Variants in ECHDC1 observed in about 807,000 individuals in gnomAD.
ECHDC1 encodes ethylmalonyl-CoA decarboxylase.
Under a neutral mutation model 29.7 loss-of-function variants are expected in ECHDC1, and 29 were observed. That is an observed-to-expected ratio of 0.98 (90% CI 0.73 to 1.33). The LOEUF (loss-of-function observed/expected upper bound fraction) is 1.33, where lower values mean the gene tolerates loss of function less well. ECHDC1 is among the 40% of genes most tolerant of loss of function. The pLI is 0.00. For missense variants in ECHDC1, 328 were observed against 350.0 expected, an observed-to-expected ratio of 0.94 and a Z score of 0.50; for synonymous variants, 126 against 123.1, an observed-to-expected ratio of 1.02 and a Z score of -0.15.
chr6:127,326,466 C>T lies in ECHDC1; in HGVS notation c.363+536G>A, dbSNP rs182215891. ...GCAGTGTGAGAACAGACTATCACAT[C>T]GGTTCATTAGTAGCAATAAATCTAT... On this transcript the variant is annotated intron_variant, in intron 3 of 5. Coordinates refer to ENST00000454859, the MANE Select transcript of ECHDC1 (RefSeq NM_001002030.2). 73 of 429,340 alleles carry T rather than the reference C, an allele frequency of 1.7e-4. No homozygotes were observed. In the Admixed American group the frequency reaches 1.7e-3, roughly 10 times the overall value. The allele number at this position is 429,340 out of a possible 1,614,324, so 26.6% of individuals were successfully genotyped here.
At chr6:127,319,285 T>C (rs1782646384) in intron 3 of ECHDC1, among the ~76,000 whole-genome samples, 1 of 152,220 alleles carries the variant, frequency 6.6e-6, no homozygotes, top group South Asian at 2.1e-4. Context: ...CTCTCTGTCC[T>C]ACAGTCTCTT....
At chr6:127,342,385 C>T in intron 1 of ECHDC1, 1 of 1,547,644 alleles carries the variant, frequency 6.5e-7, no homozygotes, top group South Asian at 1.2e-5. Flanking sequence ...TCTTCACAGG[C>T]TGGCTTCCCT....
chr6:127,316,569 T>G, intron 3 of ECHDC1, 67 bp from the exon 4 acceptor site: 1 of 1,407,850 alleles, frequency 7.1e-7, no homozygotes, highest in Non-Finnish European at 9.7e-7. Context: ...TTTTTTAAAT[T>G]AAGGTTTTAG....
intron 1 of ECHDC1, among the ~76,000 whole-genome samples, chr6:127,336,980 C>T (rs1379869620): frequency 6.6e-6 from 1 of 152,156 alleles, no homozygotes; most frequent in Non-Finnish European, 1.5e-5. Flanking sequence ...GGACTAAGCT[C>T]TGATTTTTTA....
chr6:127,306,814 T>C (rs1006441950), intron 5 of ECHDC1, among the ~76,000 whole-genome samples: 63 of 152,206 alleles, frequency 4.1e-4, no homozygotes, highest in African/African-American at 1.5e-3. Flanking sequence ...ATCTGCACTA[T>C]AGAAACAAAT....
Position 127,314,920 on chromosome 6 carries a change from T to A in ECHDC1, c.417-24A>T, listed in dbSNP as rs1243360985. On this transcript the variant is annotated intron_variant, in intron 4 of 5. Transcript: ENST00000454859. ...GTCTGTATATTGAAGAAAAAACTGA[T>A]GTTACTATTTTTAATTTCAATATTC... 6 of 1,588,284 alleles carry A rather than the reference T, an allele frequency of 3.8e-6. No homozygotes were observed. In the East Asian group the frequency reaches 1.3e-4, roughly 36 times the overall value.
intron 2 of ECHDC1, among the ~76,000 whole-genome samples, chr6:127,328,082 T>C (rs886942539): frequency 2.0e-5 from 3 of 152,254 alleles, no homozygotes; most frequent in Admixed American, 6.5e-5. Flanking sequence ...CTTTGGAATA[T>C]AAATCCCACA....
At chr6:127,298,916 C>T (rs1040688930) in intron 5 of ECHDC1, among the ~76,000 whole-genome samples, 3 of 151,772 alleles carry the variant, frequency 2.0e-5, no homozygotes, top group Admixed American at 6.6e-5. Context: ...CACTCTGTCC[C>T]GCAGGCTGGA....
intron 3 of ECHDC1, among the ~76,000 whole-genome samples, chr6:127,322,505 T>A (rs577230644): frequency 9.1e-4 from 138 of 152,192 alleles, no homozygotes; most frequent in African/African-American, 3.2e-3. Flanking sequence ...AAAGAGCAGA[T>A]TACTTGGAGA....
At chr6:127,318,151 C>A (rs148343388) in intron 3 of ECHDC1, among the ~76,000 whole-genome samples, 1,607 of 152,186 alleles carry the variant, frequency 0.011, 17 homozygotes, top group Middle Eastern at 0.024. Context: ...TATTGATTAC[C>A]ATACCCCTCC....
chr6:127,327,229 A>T, intron 2 of ECHDC1, 85 bp from the exon 3 acceptor site: 1 of 1,449,776 alleles, frequency 6.9e-7, no homozygotes, highest in South Asian at 1.3e-5. Flanking sequence ...AGTGTCAAGC[A>T]TACTCTTAGG....
At chr6:127,297,018 A>G (rs901779463) in intron 5 of ECHDC1, among the ~76,000 whole-genome samples, 1 of 152,122 alleles carries the variant, frequency 6.6e-6, no homozygotes, top group African/African-American at 2.4e-5. Flanking sequence ...CAAAAAGAAA[A>G]AAAAAGAGAA....
chr6:127,341,017 TTAAG>T (rs1456834463), intron 1 of ECHDC1, among the ~76,000 whole-genome samples: 1 of 152,214 alleles, frequency 6.6e-6, no homozygotes, highest in Non-Finnish European at 1.5e-5. Context: ...CATTAAATAT[TTAAG>T]TAATAGTAGT....
At chr6:127,329,370 A>ATT (rs1234776339) in intron 2 of ECHDC1, among the ~76,000 whole-genome samples, 1 of 69,046 alleles carries the variant, frequency 1.4e-5, no homozygotes, top group African/African-American at 4.7e-5. Context: ...GCATCAAAAT[A>ATT]ATATGTTTCT....
chr6:127,331,069 T>A, intron 1 of ECHDC1, 39 bp from the exon 2 acceptor site: 1 of 1,496,734 alleles, frequency 6.7e-7, no homozygotes, highest in Non-Finnish European at 9.2e-7. Context: ...TATAGATGAA[T>A]AGGCACTCAC....
chr6:127,295,944 A>G (rs562577850), intron 5 of ECHDC1, among the ~76,000 whole-genome samples: 2 of 152,336 alleles, frequency 1.3e-5, no homozygotes, highest in South Asian at 4.1e-4. Context: ...GCTTTCTAAA[A>G]CAAATAGTGT....
At position 127,327,138 on chromosome 6, in the gene ECHDC1, A is replaced by G. The variant is rs1338536743; in HGVS notation, c.227T>C (p.Met76Thr). The G allele has an allele frequency of 1.2e-6, 2 of 1,612,524 alleles. No individual in the cohort carries two copies. Among genetic ancestry groups the G allele is most frequent in the African/African-American group, 1.3e-5 (1 of 75,018 alleles). ...TACTTTTTCCAGAAGTTGTAGCATC[A>G]TAACACCTGCCAGAGATGGAAGTGG... is the stretch of plus-strand genomic sequence containing the variant. The part of the protein sequence containing the change: ...PSRMNAFSGV[M>T]MLQLLEKVIE... Residue 76 changes from methionine (M) to threonine (T), a missense_variant, in exon 3 of 6, where the codon ATG becomes ACG. Physicochemically the swap from Met to Thr is moderately conservative, Grantham distance 81 (BLOSUM62 -1). Transcript: ENST00000454859.
chr6:127,300,676 C>T (rs1780988987), intron 5 of ECHDC1, among the ~76,000 whole-genome samples: 1 of 152,156 alleles, frequency 6.6e-6, no homozygotes, highest in Non-Finnish European at 1.5e-5. Flanking sequence ...TTCAGTCCTT[C>T]AAGTGCATGT....
chr6:127,306,753 G>A (rs1250206361), intron 5 of ECHDC1, among the ~76,000 whole-genome samples: 1 of 152,076 alleles, frequency 6.6e-6, no homozygotes, highest in Non-Finnish European at 1.5e-5. Flanking sequence ...GACTAATACA[G>A]CACTGGACAG....
Sources: gnomAD v4.1 joint callset for allele counts (sites outside exome capture counted in the v4.1 genomes callset) on GRCh38, gnomAD v4.1.1 for gene constraint, MANE v1.5 for transcripts, NCBI Gene and HGNC (gene_info 2026-07-23, HGNC 2026-07-21) for gene names.